FBXO9: variants seen among roughly 807,000 people sequenced by gnomAD.
FBXO9 encodes the protein F-box protein 9.
A neutral mutation model predicts 63.7 loss-of-function variants in FBXO9; 43 were observed. The observed-to-expected ratio is 0.67, with a 90% CI of 0.53 to 0.87. The LOEUF (loss-of-function observed/expected upper bound fraction) is 0.87. FBXO9 is among the 40% of genes least tolerant of loss of function. The probability of loss-of-function intolerance (pLI) is 0.00; values close to 1 mark genes in which losing one functional copy is unlikely to be tolerated. For synonymous variants in FBXO9, 156 were observed against 171.7 expected (o/e 0.91, Z 0.72); for missense variants, 442 against 533.2 (o/e 0.83, Z 1.68).
At chr6:53,072,528 G>A (rs903122940) in intron 2 of FBXO9, among the ~76,000 whole-genome samples, 6 of 152,192 alleles carry the variant, frequency 3.9e-5, no homozygotes, top group African/African-American at 1.4e-4. Context: ...GACTTTATTA[G>A]CCGTTGATCA....
intron 7 of FBXO9, among the ~76,000 whole-genome samples, chr6:53,089,234 C>T (rs1408826991): frequency 1.3e-5 from 2 of 152,050 alleles, no homozygotes; most frequent in African/African-American, 2.4e-5. Flanking sequence ...GCCACCAGGC[C>T]CGGCTAATTT....
chr6:53,073,557 G>C lies in FBXO9; in HGVS notation c.167G>C (p.Arg56Pro), dbSNP rs1193113559. 6.2e-7 allele frequency: 1 copy of C among 1,612,752 alleles called. No homozygotes were observed. The highest frequency in any genetic ancestry group is 2.2e-5 in the East Asian group (1 of 44,880). The change falls in exon 3 of 13, where the codon CGA (arginine) becomes CCA (proline). Residue 56 changes from arginine (R) to proline (P), a missense_variant. Arg to Pro is a moderately radical substitution (Grantham distance 103). This residue lies in a region of FBXO9 where 180 missense variants were observed against 171.1 expected (regional missense o/e 1.05). Coordinates refer to ENST00000323557, the MANE Select transcript of FBXO9 (RefSeq NM_033480.3). ...GTAAGCTCTAGCAATTTAGAAAATC[G>C]ACCTTGCAGAGCAGCAAGAGGCTCT... Reference protein sequence around the residue: ...PGVSSSNLENRPCRAARGSLQ... With the variant: ...PGVSSSNLENPPCRAARGSLQ...
At chr6:53,088,724 G>T (rs528577330) in intron 7 of FBXO9, among the ~76,000 whole-genome samples, 1 of 149,654 alleles carries the variant, frequency 6.7e-6, no homozygotes, top group Non-Finnish European at 1.5e-5. Flanking sequence ...TCAGTCTCCC[G>T]AGTAGCCGAG....
intron 12 of FBXO9, among the ~76,000 whole-genome samples, chr6:53,096,276 A>G (rs2127500581): frequency 1.3e-5 from 2 of 152,352 alleles, no homozygotes; most frequent in Middle Eastern, 3.4e-3. Context: ...TTAAAAAGGA[A>G]CCAGGGAAGT....
At chr6:53,091,299 T>A (rs1466068707) in intron 7 of FBXO9, 1 of 152,152 alleles carries the variant, frequency 6.6e-6, no homozygotes, top group Non-Finnish European at 1.5e-5. Context: ...AAGTTAGAGA[T>A]GGAGTTAGAA....
chr6:53,096,889 G>A (rs982879718), intron 12 of FBXO9, among the ~76,000 whole-genome samples: 1 of 152,180 alleles, frequency 6.6e-6, no homozygotes, highest in Non-Finnish European at 1.5e-5. Context: ...CTCGGTGATA[G>A]AGCAAGACCT....
At chr6:53,080,159 T>C (rs1372684276) in intron 5 of FBXO9, among the ~76,000 whole-genome samples, 1 of 152,158 alleles carries the variant, frequency 6.6e-6, no homozygotes, top group Non-Finnish European at 1.5e-5. Context: ...ATTCATCTTT[T>C]TTTTTTAAAT....
intron 7 of FBXO9, among the ~76,000 whole-genome samples, chr6:53,086,208 G>T (rs547716824): frequency 2.6e-5 from 4 of 152,286 alleles, no homozygotes; most frequent in African/African-American, 9.6e-5. Flanking sequence ...CTTAATTTAG[G>T]ATCTTGACTC....
intron 6 of FBXO9, among the ~76,000 whole-genome samples, chr6:53,081,938 G>T (rs1032351672): frequency 6.6e-6 from 1 of 152,018 alleles, no homozygotes; most frequent in Non-Finnish European, 1.5e-5. Context: ...GCGTCGTGGC[G>T]CATGACTGTA....
At chr6:53,095,364 A>G in intron 11 of FBXO9, 149 bp from the exon 12 acceptor site, 1 of 603,584 alleles carries the variant, frequency 1.7e-6, no homozygotes, top group Non-Finnish European at 2.7e-6. Context: ...ACAGTTTTTA[A>G]AGCACTCATA....
At chr6:53,083,442 A>G (rs1184556631) in intron 7 of FBXO9, among the ~76,000 whole-genome samples, 2 of 152,218 alleles carry the variant, frequency 1.3e-5, no homozygotes, top group African/African-American at 4.8e-5. Context: ...TTTATTTGAG[A>G]ATAATACATT....
chr6:53,074,457 G>C (rs1361644884), intron 3 of FBXO9, among the ~76,000 whole-genome samples: 3 of 152,196 alleles, frequency 2.0e-5, no homozygotes, highest in African/African-American at 7.2e-5. Flanking sequence ...CGAGGAAATA[G>C]ACATTGGAAC....
At position 53,100,607 on chromosome 6, in the gene FBXO9, C is replaced by T. The variant is rs1562079354; in HGVS notation, c.*2777C>T. The T allele has an allele frequency of 6.6e-6, 1 of 152,050 alleles. No individual in the cohort carries two copies. The highest frequency in any genetic ancestry group is 1.9e-4 in the East Asian group (1 of 5,154). The allele number at this position is 152,050 out of a possible 1,614,324, so 9.4% of individuals were successfully genotyped here. A position where few individuals can be genotyped will look rare whatever the true frequency, so the allele number is the denominator to read the frequency against. On this transcript the variant is annotated 3_prime_UTR_variant, in exon 13 of 13. Transcript: ENST00000323557. ...CCAGCCCCCAGGGGAAAGCATTAGC[C>T]TTGAATCCTCAATCCCAGGCCCTCT...
At chr6:53,080,911 T>C (rs1769286550) in intron 5 of FBXO9, 57 bp from the exon 6 acceptor site, 2 of 1,591,154 alleles carry the variant, frequency 1.3e-6, no homozygotes, top group Admixed American at 3.6e-5. Flanking sequence ...AAAATCAGTT[T>C]CTAAACTGTA....
At chr6:53,090,712 G>A (rs1763016784) in intron 7 of FBXO9, among the ~76,000 whole-genome samples, 1 of 152,156 alleles carries the variant, frequency 6.6e-6, no homozygotes, top group African/African-American at 2.4e-5. Context: ...ACAAGGTCTT[G>A]TTCTGTCGCC....
intron 4 of FBXO9, among the ~76,000 whole-genome samples, chr6:53,078,135 C>A (rs1769182540): frequency 6.6e-6 from 1 of 152,184 alleles, no homozygotes; most frequent in Non-Finnish European, 1.5e-5. Flanking sequence ...TTTTCCTCAA[C>A]TCTGTGTCTT....
intron 1 of FBXO9, among the ~76,000 whole-genome samples, chr6:53,066,309 C>G (rs1038699727): frequency 1.3e-5 from 2 of 152,160 alleles, no homozygotes; most frequent in Admixed American, 1.3e-4. Flanking sequence ...GCGTCATTCC[C>G]TGGGAGGATG....
At chr6:53,075,633 T>C (rs1340802978) in intron 3 of FBXO9, among the ~76,000 whole-genome samples, 1 of 150,986 alleles carries the variant, frequency 6.6e-6, no homozygotes, top group Non-Finnish European at 1.5e-5. Context: ...CTTGTGATGT[T>C]GAACATCTTT....
chr6:53,073,847 C>T, intron 3 of FBXO9: 1 of 384,964 alleles, frequency 2.6e-6, no homozygotes, highest in Non-Finnish European at 4.6e-6. Context: ...TCCTGCATGG[C>T]TTTTTTCTCT....
Sources: gnomAD v4.1 joint callset for allele counts (sites outside exome capture counted in the v4.1 genomes callset) on GRCh38, gnomAD v4.1.1 for gene constraint, gnomAD v4.1.1 regional missense constraint, MANE v1.5 for transcripts, NCBI Gene and HGNC (gene_info 2026-07-23, HGNC 2026-07-21) for gene names.